The following C16orf96 variants were observed in gnomAD, a reference collection of about 807,000 sequenced individuals.
The protein encoded by C16orf96 is chromosome 16 open reading frame 96.
C16orf96 carries 108 observed loss-of-function variants against 103.6 expected under a neutral mutation model. That is an observed-to-expected ratio of 1.04 (90% CI 0.89 to 1.22). The LOEUF (loss-of-function observed/expected upper bound fraction) is 1.22, where lower values mean the gene tolerates loss of function less well. Ranked by LOEUF, C16orf96 falls within the 50% of genes most tolerant of loss-of-function variation. The pLI, the probability that C16orf96 is intolerant of heterozygous loss-of-function variation, is 0.00. For missense variants in C16orf96, 1,586 were observed against 1,464.2 expected (o/e 1.08, Z -1.36); for synonymous variants, 566 against 593.5 (o/e 0.95, Z 0.67).
Position 4,571,666 on chromosome 16 carries a change from G to A in C16orf96, c.525+1G>A, listed in dbSNP as rs1209831501. 1 of 1,551,126 alleles carries A rather than the reference G, an allele frequency of 6.4e-7. No individual in the cohort carries two copies. Among genetic ancestry groups the A allele is most frequent in the Admixed American group, 2.0e-5 (1 of 50,952 alleles). ...CATGCTGAAGAACATGCTTGACAAG[G>A]TAGGCCCTCCCCCAGCATCCTCCAT... On this transcript the variant is annotated splice_donor_variant, in intron 2 of 15. Transcript: ENST00000444310. LOFTEE classifies it high-confidence loss of function.
At chr16:4,556,187 A>G (rs528530759), upstream of C16orf96, among the ~76,000 whole-genome samples, 54 of 152,236 alleles carry the variant, frequency 3.5e-4, no homozygotes, top group African/African-American at 1.3e-3. Context: ...GGCTGCCATC[A>G]GCTATTCAAA....
rs746624422 is a variant in C16orf96, at chr16:4,556,656, C to T, written c.167C>T (p.Ser56Leu). 115 of 1,551,486 alleles carry T rather than the reference C, an allele frequency of 7.4e-5. No individual in the cohort carries two copies. Among genetic ancestry groups the T allele is most frequent in the Non-Finnish European group, 9.9e-5 (113 of 1,146,896 alleles). ...LSGDEDFLQTSQVVIMPREGD... is the reference protein window; with the variant it reads ...LSGDEDFLQTLQVVIMPREGD... The stretch of plus-strand genomic sequence containing the variant: ...GGCGATGAGGACTTCCTGCAGACCT[C>T]GCAGGTGGTCATCATGCCCAGGGAA... Residue 56 changes from serine (S) to leucine (L), a missense_variant, in exon 1 of 16, where the codon TCG becomes TTG. By Grantham distance (145) the Ser-to-Leu change is moderately radical (BLOSUM62 -2). Coordinates refer to ENST00000444310, the MANE Select transcript of C16orf96 (RefSeq NM_001145011.2).
chr16:4,575,976 C>A lies in C16orf96; in HGVS notation c.1496C>A (p.Pro499His), dbSNP rs1176763665. ...GATAGAGGTGGCAAGGATGTGGACC[C>A]CAAGGATAGAGCTCACAAGGATGAT... is the stretch of plus-strand genomic sequence containing the variant. ...PKDRGGKDVD[P>H]KDRAHKDDVP... Residue 499 changes from proline (P) to histidine (H), a missense_variant, in exon 5 of 16, where the codon CCC becomes CAC. Transcript: ENST00000444310. 5.8e-6 allele frequency: 9 copies of A among 1,550,176 alleles called. No individual in the cohort carries two copies. In the Admixed American group the frequency reaches 1.8e-4, roughly 30 times the overall value.
upstream of C16orf96, among the ~76,000 whole-genome samples, chr16:4,553,122 C>G (rs1185418970): frequency 6.6e-6 from 1 of 152,132 alleles, no homozygotes; most frequent in Non-Finnish European, 1.5e-5. Context: ...GAGGAGCCTC[C>G]TTGGGTTACC....
chr16:4,559,324 C>T (rs570385687), intron 1 of C16orf96, among the ~76,000 whole-genome samples: 6 of 152,124 alleles, frequency 3.9e-5, no homozygotes, highest in African/African-American at 1.2e-4. Context: ...AGGTGGGTCA[C>T]TTGAGGTCAG....
chr16:4,593,332 G>A lies in C16orf96; in HGVS notation c.2867+16G>A, dbSNP rs375219312. 3.0e-5 allele frequency: 47 copies of A among 1,548,176 alleles called. 1 individual carries two copies. The South Asian group carries it at 4.4e-4, about 15-fold the overall frequency. ...AACAGATGAGGTGAGCAGGATGGGCGCCCCGCAGGGAGGCCGCCCCGCATG... is the reference window on the plus strand; with the variant it reads ...AACAGATGAGGTGAGCAGGATGGGCACCCCGCAGGGAGGCCGCCCCGCATG... On this transcript the variant is annotated intron_variant, in intron 12 of 15. Coordinates refer to ENST00000444310, the MANE Select transcript of C16orf96 (RefSeq NM_001145011.2). The surrounding 1 kb of genome is among the most constrained non-coding windows in gnomAD (Gnocchi z 4.2).
the C16orf96 span, among the ~76,000 whole-genome samples, chr16:4,541,134 G>A: frequency 2.6e-5 from 4 of 151,878 alleles, no homozygotes; most frequent in Admixed American, 2.0e-4. Context: ...GGCTGGTGTC[G>A]ATCTCCTCAC....
Position 4,588,169 on chromosome 16 carries a change from A to T in C16orf96, c.2430A>T (p.Lys810Asn), listed in dbSNP as rs1318733953. The change falls in exon 9 of 16, where the codon AAA becomes AAT. Residue 810 changes from lysine to asparagine, a missense_variant and splice_region_variant. Coordinates refer to ENST00000444310, the MANE Select transcript of C16orf96 (RefSeq NM_001145011.2). ...CCCTGAACTCCCTGTCTCCCTAGAA[A>T]GCTGACAGGAGTGCCCTGGCAGGCA... ...KSTMEEELREKADRSALAGKA... is the reference protein window; with the variant it reads ...KSTMEEELRENADRSALAGKA... 1 of 1,550,848 alleles carries T rather than the reference A, an allele frequency of 6.4e-7. No individual in the cohort carries two copies. Among genetic ancestry groups the T allele is most frequent in the East Asian group, 2.4e-5 (1 of 40,910 alleles).
intron 1 of C16orf96, among the ~76,000 whole-genome samples, chr16:4,566,294 G>C (rs913600162): frequency 6.6e-6 from 1 of 152,210 alleles, no homozygotes; most frequent in South Asian, 2.1e-4. Context: ...TACATTCCCA[G>C]CAGCAGTGTA....
At position 4,571,677 on chromosome 16, in the gene C16orf96, C is replaced by T. The variant is rs554999273; in HGVS notation, c.525+12C>T. Reference sequence around the variant, plus strand: ...ACATGCTTGACAAGGTAGGCCCTCCCCCAGCATCCTCCATGCCAGCTGCGT... The same window carrying T: ...ACATGCTTGACAAGGTAGGCCCTCCTCCAGCATCCTCCATGCCAGCTGCGT... On this transcript the variant is annotated intron_variant, in intron 2 of 15. Transcript: ENST00000444310. 12 of 1,548,366 alleles carry T rather than the reference C, an allele frequency of 7.8e-6. No individual in the cohort carries two copies. The highest frequency in any genetic ancestry group is 2.0e-5 in the Admixed American group (1 of 50,754).
chr16:4,572,496 T>C (rs2059451113), intron 2 of C16orf96, among the ~76,000 whole-genome samples: 2 of 150,594 alleles, frequency 1.3e-5, no homozygotes, highest in South Asian at 4.2e-4. Flanking sequence ...AGAGATGGGG[T>C]TTCACCATGT....
At chr16:4,574,342 C>T (rs990567330) in intron 2 of C16orf96, among the ~76,000 whole-genome samples, 1 of 152,232 alleles carries the variant, frequency 6.6e-6, no homozygotes, top group Non-Finnish European at 1.5e-5. Context: ...CCTGCCTCAG[C>T]TTCCTGATAG....
chr16:4,577,854 G>C (rs1221116535), intron 5 of C16orf96, among the ~76,000 whole-genome samples: 1 of 152,210 alleles, frequency 6.6e-6, no homozygotes, highest in Non-Finnish European at 1.5e-5. Flanking sequence ...TACCTCGGAG[G>C]CTGAGACAGG....
intron 9 of C16orf96, among the ~76,000 whole-genome samples, chr16:4,589,879 T>C (rs1897017184): frequency 6.6e-6 from 1 of 151,958 alleles, no homozygotes; most frequent in Admixed American, 6.6e-5. Flanking sequence ...ATCCCAGCAC[T>C]TCGGGAGGCT....
At position 4,576,629 on chromosome 16, in the gene C16orf96, T is replaced by C; in HGVS notation, c.2149T>C (p.Tyr717His). 6.5e-7 allele frequency: 1 copy of C among 1,550,268 alleles called. No individual in the cohort carries two copies. Among genetic ancestry groups the C allele is most frequent in the Non-Finnish European group, 8.7e-7 (1 of 1,146,314 alleles). The change falls in exon 5 of 16, where the codon TAT becomes CAT. Residue 717 changes from tyrosine (Y) to histidine (H), a missense_variant. Physicochemically the swap from Tyr to His is moderately conservative, Grantham distance 83 (BLOSUM62 2). Coordinates refer to ENST00000444310, the MANE Select transcript of C16orf96 (RefSeq NM_001145011.2). ...LSCNLNQRLS[Y>H]LANMGGPSSL... ...CTGTAACCTGAACCAGCGCTTGAGT[T>C]ATCTAGGTAGGCCTGGTCTGGCCCT... is the stretch of plus-strand genomic sequence containing the variant.
chr16:4,567,600 T>C (rs1364135320), intron 1 of C16orf96, among the ~76,000 whole-genome samples: 2 of 151,356 alleles, frequency 1.3e-5, no homozygotes, highest in Non-Finnish European at 2.9e-5. Flanking sequence ...ACATATTCCT[T>C]TTGTGATTTC....
At chr16:4,573,523 T>C (rs182001665) in intron 2 of C16orf96, among the ~76,000 whole-genome samples, 6 of 145,260 alleles carry the variant, frequency 4.1e-5, no homozygotes, top group Admixed American at 1.4e-4. Context: ...GAGGCTGAGG[T>C]GGGCAGATCA....
chr16:4,543,363 C>G, the C16orf96 span, among the ~76,000 whole-genome samples: 145,523 of 152,258 alleles, frequency 0.96, 69,910 homozygotes, highest in East Asian at 1. Context: ...GGTGAGGAAA[C>G]ATGAGGGCCT....
At chr16:4,592,283 C>T in intron 10 of C16orf96, 22 bp from the exon 11 acceptor site, 1 of 1,551,496 alleles carries the variant, frequency 6.4e-7, no homozygotes. Flanking sequence ...GGGGCAGCGG[C>T]TGATGATCAT....
Sources: allele counts gnomAD v4.1 joint callset (sites outside exome capture counted in the v4.1 genomes callset), GRCh38; gene constraint gnomAD v4.1.1; non-coding constraint Gnocchi (gnomAD v3.1); transcripts MANE v1.5; gene names NCBI Gene and HGNC (gene_info 2026-07-23, HGNC 2026-07-21).